ABL1: variants seen among roughly 807,000 people sequenced by gnomAD.
The protein encoded by ABL1 is ABL proto-oncogene 1, non-receptor tyrosine kinase.
Under a neutral mutation model 94.7 loss-of-function variants are expected in ABL1, and 11 were observed. The ratio of observed to expected loss-of-function variants is 0.12; its 90% confidence interval spans 0.07 to 0.19. The LOEUF is 0.19. ABL1 is among the 10% of genes least tolerant of loss of function. The pLI, the probability that ABL1 is intolerant of heterozygous loss-of-function variation, is 1.00. For missense variants in ABL1, 1,082 were observed against 1,489.4 expected, an observed-to-expected ratio of 0.73 and a Z score of 4.50; for synonymous variants, 656 against 622.4, an observed-to-expected ratio of 1.05 and a Z score of -0.80.
At chr9:130,753,248 T>G (rs953737597) in intron 1 of ABL1, among the ~76,000 whole-genome samples, 1 of 151,568 alleles carries the variant, frequency 6.6e-6, no homozygotes, top group African/African-American at 2.4e-5. Flanking sequence ...CAGAGCGGAC[T>G]CCATCTCAAA....
chr9:130,854,491 A>G (rs1163695777), intron 2 of ABL1, among the ~76,000 whole-genome samples: 8 of 152,198 alleles, frequency 5.3e-5, no homozygotes, highest in Non-Finnish European at 1.5e-5. Context: ...TACTGAACGC[A>G]ATTTTTCCCC....
intron 1 of ABL1, chr9:130,714,600 T>G (rs941978924): frequency 1.5e-5 from 16 of 1,101,782 alleles, no homozygotes; most frequent in Non-Finnish European, 2.2e-5. Context: ...TTAGTGGAAC[T>G]TTCTTTGTAT....
At chr9:130,772,882 A>C (rs998590250) in intron 1 of ABL1, among the ~76,000 whole-genome samples, 4 of 152,236 alleles carry the variant, frequency 2.6e-5, no homozygotes, top group African/African-American at 9.6e-5. Flanking sequence ...GGTATGAGGG[A>C]GACTTTTGCT....
At chr9:130,883,611 C>T (rs1279996495) in intron 10 of ABL1, among the ~76,000 whole-genome samples, 1 of 152,096 alleles carries the variant, frequency 6.6e-6, no homozygotes, top group Non-Finnish European at 1.5e-5. Context: ...GGCAGCAGCC[C>T]CCCACCCACC....
At chr9:130,732,007 C>T (rs1278030511) in intron 1 of ABL1, among the ~76,000 whole-genome samples, 1 of 151,468 alleles carries the variant, frequency 6.6e-6, no homozygotes, top group Non-Finnish European at 1.5e-5. Context: ...TCCAATTCAC[C>T]TTTCTCTATT....
intron 1 of ABL1, among the ~76,000 whole-genome samples, chr9:130,819,283 C>T (rs575585859): frequency 2.0e-5 from 3 of 152,012 alleles, no homozygotes; most frequent in Admixed American, 6.6e-5. Flanking sequence ...ACCCAGGAGG[C>T]GGGGAGGTTG....
At chr9:130,840,391 A>G (rs1268925018) in intron 1 of ABL1, among the ~76,000 whole-genome samples, 2 of 152,218 alleles carry the variant, frequency 1.3e-5, no homozygotes, top group Admixed American at 6.5e-5. Context: ...TCCAGAGACA[A>G]TATTTCCACA....
intron 1 of ABL1, among the ~76,000 whole-genome samples, chr9:130,738,909 G>T (rs1831779045): frequency 1.3e-5 from 2 of 152,074 alleles, no homozygotes; most frequent in African/African-American, 4.8e-5. Flanking sequence ...TTGAGACAGG[G>T]TCTTGCTCTG....
chr9:130,830,124 T>G (rs1218327703), intron 1 of ABL1, among the ~76,000 whole-genome samples: 1 of 152,158 alleles, frequency 6.6e-6, no homozygotes, highest in East Asian at 1.9e-4. Flanking sequence ...AAAAATTAAT[T>G]TAAAAAAATG....
chr9:130,768,400 C>G (rs905698313), intron 1 of ABL1, among the ~76,000 whole-genome samples: 2 of 152,176 alleles, frequency 1.3e-5, no homozygotes, highest in African/African-American at 4.8e-5. Context: ...CAGGACAGAG[C>G]CAGTGACGAC....
intron 1 of ABL1, among the ~76,000 whole-genome samples, chr9:130,730,968 A>G (rs993728807): frequency 8.0e-6 from 1 of 125,752 alleles, no homozygotes; most frequent in African/African-American, 3.0e-5. Context: ...TTACATAATT[A>G]TAGCCATTGT....
chr9:130,841,577 C>T (rs1407110934), intron 1 of ABL1, among the ~76,000 whole-genome samples: 15 of 151,568 alleles, frequency 9.9e-5, no homozygotes, highest in African/African-American at 2.9e-4. Context: ...TTTGGGAGGC[C>T]GAGGCAGGTG....
At chr9:130,770,214 A>G (rs1313252005) in intron 1 of ABL1, among the ~76,000 whole-genome samples, 1 of 151,872 alleles carries the variant, frequency 6.6e-6, no homozygotes, top group Non-Finnish European at 1.5e-5. Flanking sequence ...GAAGATTATT[A>G]AGATTTATAA....
At chr9:130,764,914 C>T (rs1180579082) in intron 1 of ABL1, among the ~76,000 whole-genome samples, 1 of 151,352 alleles carries the variant, frequency 6.6e-6, no homozygotes, top group Non-Finnish European at 1.5e-5. Context: ...CAAGATTGTG[C>T]CACTGTACTC....
chr9:130,734,814 G>A (rs1002537258), intron 1 of ABL1, among the ~76,000 whole-genome samples: 2 of 152,118 alleles, frequency 1.3e-5, no homozygotes, highest in South Asian at 2.1e-4. Flanking sequence ...GAGCCACTGC[G>A]CCCAGCCTCT....
At chr9:130,797,835 C>T (rs1292307306) in intron 1 of ABL1, among the ~76,000 whole-genome samples, 1 of 152,178 alleles carries the variant, frequency 6.6e-6, no homozygotes, top group African/African-American at 2.4e-5. Context: ...ATTCTTCTCC[C>T]ATGGCTGATG....
intron 1 of ABL1, among the ~76,000 whole-genome samples, chr9:130,822,253 T>C (rs1281544414): frequency 6.6e-6 from 1 of 152,190 alleles, no homozygotes; most frequent in Non-Finnish European, 1.5e-5. Context: ...ATTACAGGCG[T>C]GAGCCACCAC....
chr9:130,880,169 A>G lies in ABL1; in HGVS notation c.1513+12A>G, dbSNP rs761879490. Reference sequence around the variant, plus strand: ...CAGTATCTCAGACGGTAAAGTACCCATCCCGGGGTACCTGCAGTGGGGTGA... The same window carrying G: ...CAGTATCTCAGACGGTAAAGTACCCGTCCCGGGGTACCTGCAGTGGGGTGA... On this transcript the variant is annotated intron_variant, in intron 9 of 10. Transcript: ENST00000318560. This position sits in a 1 kb window ranked among gnomAD's most constrained non-coding sequence, Gnocchi z 4.4. The G allele has an allele frequency of 2.7e-5, 43 of 1,611,350 alleles. No individual in the cohort carries two copies. The Admixed American group carries it at 4.3e-4, about 16-fold the overall frequency.
chr9:130,729,814 C>T (rs1478232497), intron 1 of ABL1, among the ~76,000 whole-genome samples: 3 of 151,580 alleles, frequency 2.0e-5, no homozygotes, highest in Non-Finnish European at 2.9e-5. Context: ...TGGCTCACTG[C>T]AACCTCCACC....
Sources: gnomAD v4.1 joint callset for allele counts (sites outside exome capture counted in the v4.1 genomes callset) on GRCh38, gnomAD v4.1.1 for gene constraint, Gnocchi (gnomAD v3.1) non-coding constraint, MANE v1.5 for transcripts, NCBI Gene and HGNC (gene_info 2026-07-23, HGNC 2026-07-21) for gene names.